The following RIT2 variants were observed in gnomAD, a reference collection of about 807,000 sequenced individuals.
RIT2 encodes the protein GTP-binding protein Rit2.
In RIT2, 24 loss-of-function variants were observed where a neutral mutation model predicts 23.7. The ratio of observed to expected loss-of-function variants is 1.01; its 90% CI spans 0.73 to 1.43. RIT2 has a LOEUF of 1.43. RIT2 is among the 40% of genes most tolerant of loss of function. The pLI is 0.00. For synonymous variants in RIT2, 107 were observed against 91.1 expected, an observed-to-expected ratio of 1.17 and a Z score of -0.99; for missense variants, 236 against 266.9, an observed-to-expected ratio of 0.88 and a Z score of 0.81.
At chr18:43,001,689 C>A (rs539082100) in intron 2 of RIT2, among the ~76,000 whole-genome samples, 1 of 152,096 alleles carries the variant, frequency 6.6e-6, no homozygotes, top group African/African-American at 2.4e-5. Context: ...TATCTGGAGA[C>A]TTGAAAGTTT....
At chr18:43,053,985 C>T (rs1364656529) in intron 1 of RIT2, among the ~76,000 whole-genome samples, 1 of 151,996 alleles carries the variant, frequency 6.6e-6, no homozygotes, top group African/African-American at 2.4e-5. Context: ...TCTATCATTA[C>T]CTCCTTTACT....
chr18:42,847,513 TA>T (rs979591192), intron 4 of RIT2, among the ~76,000 whole-genome samples: 1 of 152,020 alleles, frequency 6.6e-6, no homozygotes, highest in Admixed American at 6.6e-5. Flanking sequence ...TTTTTTGCCC[TA>T]AAAAAATTGT....
At chr18:42,791,359 G>A (rs2143946749) in intron 4 of RIT2, among the ~76,000 whole-genome samples, 1 of 152,212 alleles carries the variant, frequency 6.6e-6, no homozygotes, top group South Asian at 2.1e-4. Context: ...TTGTATCCCA[G>A]ACTACTCTGT....
At chr18:42,813,037 A>G (rs1057048768) in intron 4 of RIT2, among the ~76,000 whole-genome samples, 1 of 152,212 alleles carries the variant, frequency 6.6e-6, no homozygotes, top group Non-Finnish European at 1.5e-5. Flanking sequence ...TCATGTTAGT[A>G]TCTAGTTCAG....
chr18:42,974,946 T>A (rs1195087204), intron 2 of RIT2, among the ~76,000 whole-genome samples: 2 of 152,098 alleles, frequency 1.3e-5, no homozygotes, highest in Middle Eastern at 3.2e-3. Flanking sequence ...GACTGAAAGA[T>A]TGTTAAAATG....
chr18:42,879,581 T>C (rs2144076495), intron 4 of RIT2, among the ~76,000 whole-genome samples: 1 of 152,266 alleles, frequency 6.6e-6, no homozygotes, highest in Non-Finnish European at 1.5e-5. Flanking sequence ...ATCTTCATTC[T>C]TTATATGTTC....
chr18:42,786,669 C>A (rs1418039973), intron 4 of RIT2, among the ~76,000 whole-genome samples: 1 of 152,098 alleles, frequency 6.6e-6, no homozygotes, highest in South Asian at 2.1e-4. Flanking sequence ...ATATTTTTCA[C>A]CTATCTTTCA....
rs536957882 is a variant in RIT2, at chr18:42,961,724, A to C, written c.234+12350T>G. ...TGAGCCACTGGGTGTGTTGCTATTT[A>C]GGCTACATTTTCTATGGTCTCACCA... On this transcript the variant is annotated intron_variant, in intron 3 of 4. Coordinates refer to ENST00000326695, the MANE Select transcript of RIT2 (RefSeq NM_002930.4). 2.0e-5 allele frequency among the ~76,000 whole-genome samples: 3 copies of C among 152,312 alleles called. No homozygotes were observed. In the South Asian group the frequency reaches 6.2e-4, roughly 32 times the overall value.
At chr18:42,986,057 T>TA (rs1197728238) in intron 2 of RIT2, among the ~76,000 whole-genome samples, 20 of 151,322 alleles carry the variant, frequency 1.3e-4, no homozygotes, top group African/African-American at 4.1e-4. Flanking sequence ...TTTTTTTTTT[T>TA]AGATGGAGTG....
At chr18:43,011,991 T>G (rs1196276203) in intron 2 of RIT2, among the ~76,000 whole-genome samples, 1 of 151,876 alleles carries the variant, frequency 6.6e-6, no homozygotes, top group Admixed American at 6.6e-5. Flanking sequence ...AGCTTTTTCG[T>G]GTTCCTGAAA....
intron 4 of RIT2, among the ~76,000 whole-genome samples, chr18:42,819,513 T>G (rs1319658304): frequency 6.6e-6 from 1 of 152,112 alleles, no homozygotes; most frequent in Non-Finnish European, 1.5e-5. Context: ...TGATGTATTC[T>G]CCAGCAAAGT....
intron 1 of RIT2, among the ~76,000 whole-genome samples, chr18:43,105,505 G>GAAGA (rs1324947980): frequency 2.8e-3 from 293 of 104,744 alleles, no homozygotes; most frequent in African/African-American, 5.2e-3. Flanking sequence ...AGAAAGGGAG[G>GAAGA]GAGGGAGGGA....
intron 4 of RIT2, among the ~76,000 whole-genome samples, chr18:42,798,428 A>G (rs1204119061): frequency 6.6e-6 from 1 of 152,234 alleles, no homozygotes; most frequent in African/African-American, 2.4e-5. Context: ...GAGATTATGT[A>G]TATTTGATGA....
chr18:42,945,889 G>C (rs1026268917), intron 3 of RIT2, among the ~76,000 whole-genome samples: 1 of 152,030 alleles, frequency 6.6e-6, no homozygotes, highest in Non-Finnish European at 1.5e-5. Flanking sequence ...TTTTATCATT[G>C]GAAGTATTTG....
At chr18:42,919,746 A>G (rs888231827) in intron 4 of RIT2, among the ~76,000 whole-genome samples, 7 of 151,972 alleles carry the variant, frequency 4.6e-5, no homozygotes, top group African/African-American at 9.7e-5. Flanking sequence ...TGCAATTGAC[A>G]TAAAACGTTC....
chr18:43,057,371 A>G (rs1912528103), intron 1 of RIT2, among the ~76,000 whole-genome samples: 1 of 152,160 alleles, frequency 6.6e-6, no homozygotes, highest in Non-Finnish European at 1.5e-5. Context: ...CAAATAAGAC[A>G]AGGGCCAGTG....
chr18:43,012,794 C>G (rs1911380913), intron 2 of RIT2, among the ~76,000 whole-genome samples: 1 of 151,644 alleles, frequency 6.6e-6, no homozygotes, highest in South Asian at 2.1e-4. Flanking sequence ...CATTTTATGG[C>G]AGATATTAGC....
intron 3 of RIT2, among the ~76,000 whole-genome samples, chr18:42,951,839 T>A (rs1909858487): frequency 6.6e-6 from 1 of 152,146 alleles, no homozygotes; most frequent in South Asian, 2.1e-4. Flanking sequence ...CTCATGCTGC[T>A]AATAAAGACA....
At chr18:42,980,487 G>T (rs1910574278) in intron 2 of RIT2, among the ~76,000 whole-genome samples, 2 of 151,872 alleles carry the variant, frequency 1.3e-5, no homozygotes, top group African/African-American at 4.8e-5. Flanking sequence ...CTACCACTAG[G>T]TAGGTAATAG....
Sources: allele counts gnomAD v4.1 joint callset (sites outside exome capture counted in the v4.1 genomes callset), GRCh38; gene constraint gnomAD v4.1.1; transcripts MANE v1.5; gene names NCBI Gene and HGNC (gene_info 2026-07-23, HGNC 2026-07-21).